The following NETO2 variants were observed in gnomAD, a reference collection of about 807,000 sequenced individuals.
The protein encoded by NETO2 is neuropilin and tolloid-like protein 2.
In NETO2, 28 loss-of-function variants were observed where a neutral mutation model predicts 62.5. The observed-to-expected ratio is 0.45, with a 90% CI of 0.33 to 0.61. The LOEUF is 0.61. NETO2 is among the 20% of genes least tolerant of loss of function. The pLI, the probability that NETO2 is intolerant of heterozygous loss-of-function variation, is 0.02. For missense variants in NETO2, 548 were observed against 643.2 expected (o/e 0.85, Z 1.60); for synonymous variants, 214 against 219.1 (o/e 0.98, Z 0.21).
In NETO2 at chr16:47,129,284, C is replaced by A. The variant is rs1350436820; in HGVS notation, c.172G>T (p.Ala58Ser). 1 of 1,614,022 alleles carries A rather than the reference C, an allele frequency of 6.2e-7. No individual in the cohort carries two copies. The highest frequency in any genetic ancestry group is 2.2e-5 in the East Asian group (1 of 44,876). Residue 58 changes from alanine (A) to serine (S), a missense_variant, in exon 3 of 9, where the codon GCT (alanine) becomes TCT (serine). Ala to Ser is a moderately conservative substitution (Grantham distance 99, BLOSUM62 1). Transcript: ENST00000562435. Reference protein sequence around the residue: ...WVRTSNGGHFASPNYPDSYPP... With the variant: ...WVRTSNGGHFSSPNYPDSYPP... ...TATGAGTCAGGATAATTTGGCGAAG[C>A]AAAATGACCTCCATTGCTGGTTCGA...
At chr16:47,105,759 A>T (rs768326463) in intron 7 of NETO2, among the ~76,000 whole-genome samples, 1 of 152,220 alleles carries the variant, frequency 6.6e-6, no homozygotes, top group Non-Finnish European at 1.5e-5. Flanking sequence ...GGCAAATCAA[A>T]ACCACAATGA....
intron 6 of NETO2, among the ~76,000 whole-genome samples, chr16:47,112,195 G>C (rs1302794041): frequency 6.6e-6 from 1 of 151,590 alleles, no homozygotes; most frequent in African/African-American, 2.4e-5. Context: ...TGGGACTGCA[G>C]GCATGGGCCA....
At position 47,082,879 on chromosome 16, in the gene NETO2, T is replaced by C; in HGVS notation, c.*342A>G. The C allele has an allele frequency of 4.6e-6, 1 of 219,234 alleles. No individual in the cohort carries two copies. Among genetic ancestry groups the C allele is most frequent in the East Asian group, 1.0e-4 (1 of 9,772 alleles). 13.6% of individuals were successfully genotyped at this position (219,234 alleles called of 1,614,324 possible). ...CATCAAAATATTGACAGAGCTGTTATCAGTCAAGAGCAGTCTTCTTGTTGC... is the reference window on the plus strand; with the variant it reads ...CATCAAAATATTGACAGAGCTGTTACCAGTCAAGAGCAGTCTTCTTGTTGC... On this transcript the variant is annotated 3_prime_UTR_variant, in exon 9 of 9. Coordinates refer to ENST00000562435, the MANE Select transcript of NETO2 (RefSeq NM_018092.5).
intron 6 of NETO2, among the ~76,000 whole-genome samples, chr16:47,117,862 G>A (rs570225611): frequency 2.0e-5 from 3 of 152,180 alleles, no homozygotes; most frequent in East Asian, 3.9e-4. Context: ...TGAGGCAGGA[G>A]GATCACTTGA....
chr16:47,125,970 C>CTT (rs1455042163), intron 4 of NETO2, among the ~76,000 whole-genome samples: 1 of 152,166 alleles, frequency 6.6e-6, no homozygotes. Flanking sequence ...AGTCTACACC[C>CTT]ATTAAACATT....
intron 1 of NETO2, among the ~76,000 whole-genome samples, chr16:47,133,326 A>G (rs915642566): frequency 2.0e-5 from 3 of 152,052 alleles, no homozygotes; most frequent in African/African-American, 7.3e-5. Flanking sequence ...TGCAAATCCC[A>G]ACACCTTGGG....
At chr16:47,118,382 C>G (rs1963965730) in intron 6 of NETO2, among the ~76,000 whole-genome samples, 1 of 152,156 alleles carries the variant, frequency 6.6e-6, no homozygotes, top group Non-Finnish European at 1.5e-5. Context: ...TTAGTGCTTC[C>G]CTGCTCTAGT....
chr16:47,130,331 A>G (rs1276965402), intron 2 of NETO2, among the ~76,000 whole-genome samples: 2 of 152,200 alleles, frequency 1.3e-5, no homozygotes, highest in Non-Finnish European at 2.9e-5. Flanking sequence ...AGTGAGAGCC[A>G]GTAACTGATC....
In NETO2 at chr16:47,128,496, G is replaced by T. The variant is rs891025248; in HGVS notation, c.310C>A (p.His104Asn). The change falls in exon 4 of 9, where the codon CAC becomes AAC. Residue 104 changes from histidine (H) to asparagine (N), a missense_variant. By Grantham distance (68) the His-to-Asn change is moderately conservative. Transcript: ENST00000562435. ...AATGGCCCATCTCGAACTTCCAAGT[G>T]ATCAAACCGACACTCAAATGATGGT... is the stretch of plus-strand genomic sequence containing the variant. ...IEPSFECRFDHLEVRDGPFGF... is the reference protein window; with the variant it reads ...IEPSFECRFDNLEVRDGPFGF... 1.1e-5 allele frequency: 18 copies of T among 1,613,880 alleles called. No homozygotes were observed. Among genetic ancestry groups the T allele is most frequent in the Non-Finnish European group, 1.5e-5 (18 of 1,179,986 alleles).
Position 47,122,960 on chromosome 16 carries a change from T to C in NETO2, c.482-48A>G, listed in dbSNP as rs370648059. ...GTCATTGGTACTGAGATAGTTACTT[T>C]AATCCTCGATGTCTTACATTACATC... On this transcript the variant is annotated intron_variant, in intron 4 of 8. Coordinates refer to ENST00000562435, the MANE Select transcript of NETO2 (RefSeq NM_018092.5). 23 of 1,543,104 alleles carry C rather than the reference T, an allele frequency of 1.5e-5. No homozygotes were observed. In the African/African-American group the frequency reaches 3.0e-4, roughly 20 times the overall value.
At chr16:47,115,531 A>AC (rs1555498079) in intron 6 of NETO2, among the ~76,000 whole-genome samples, 1 of 144,642 alleles carries the variant, frequency 6.9e-6, no homozygotes, top group Non-Finnish European at 1.5e-5. Flanking sequence ...AATTCAACTG[A>AC]TTTTTTTTTT....
intron 6 of NETO2, among the ~76,000 whole-genome samples, chr16:47,119,664 T>C (rs1963998493): frequency 6.6e-6 from 1 of 152,196 alleles, no homozygotes; most frequent in African/African-American, 2.4e-5. Context: ...TTTCTCAAAG[T>C]ACTGTTTTAG....
chr16:47,097,845 C>T (rs1963460482), intron 7 of NETO2, among the ~76,000 whole-genome samples: 1 of 152,186 alleles, frequency 6.6e-6, no homozygotes, highest in Non-Finnish European at 1.5e-5. Flanking sequence ...GCAATCTTTG[C>T]TATTCTGTAG....
rs1363587046 is a variant in NETO2, at chr16:47,122,773, C to T, written c.538G>A (p.Glu180Lys). 5.0e-6 allele frequency: 8 copies of T among 1,613,844 alleles called. No homozygotes were observed. The highest frequency in any genetic ancestry group is 1.1e-5 in the South Asian group (1 of 91,056). Residue 180 changes from glutamate to lysine, a missense_variant, in exon 6 of 9, where the codon GAG becomes AAG. Coordinates refer to ENST00000562435, the MANE Select transcript of NETO2 (RefSeq NM_018092.5). ...ILNPIPDCQF[E>K]LSGADGIVRS... ...ACTATTCCATCAGCTCCCGAGAGCTCGAACTGACAATCTGGAAGGAATACA... is the reference window on the plus strand; with the variant it reads ...ACTATTCCATCAGCTCCCGAGAGCTTGAACTGACAATCTGGAAGGAATACA...
intron 2 of NETO2, among the ~76,000 whole-genome samples, chr16:47,130,498 A>G (rs1226095211): frequency 6.6e-6 from 1 of 151,762 alleles, no homozygotes. Flanking sequence ...CTCTGAGGAG[A>G]TAAAGACTAT....
rs563012418 is a variant in NETO2 at position 47,082,063 on chromosome 16, CAA to C, written c.*1156_*1157del. Reference sequence around the variant, plus strand: ...AAGTTTGTACAGTATCAAATAATATCAAAAGTCTAAAAAACACAATGAGCTTT... The same window carrying C: ...AAGTTTGTACAGTATCAAATAATATCAAGTCTAAAAAACACAATGAGCTTT... On this transcript the variant is annotated 3_prime_UTR_variant, in exon 9 of 9. Coordinates refer to ENST00000562435, the MANE Select transcript of NETO2 (RefSeq NM_018092.5). 846 of 152,508 alleles carry C rather than the reference CAA, an allele frequency of 5.5e-3. 6 individuals are homozygous for C. The highest frequency in any genetic ancestry group is 0.041 in the Middle Eastern group (12 of 294). 9.4% of individuals were successfully genotyped at this position (152,508 alleles called of 1,614,324 possible).
At chr16:47,089,421 TAC>T (rs1372584437) in intron 7 of NETO2, among the ~76,000 whole-genome samples, 2 of 152,258 alleles carry the variant, frequency 1.3e-5, no homozygotes, top group South Asian at 2.1e-4. Context: ...GGGGATGGAA[TAC>T]AGTGTATCTC....
rs576163813 is a variant in NETO2, at chr16:47,081,934, A to G, written c.*1287T>C. The stretch of plus-strand genomic sequence containing the variant: ...TGTCCACATTTCCAAGGTCTTTACA[A>G]TAAGTTATAGCGTCCAGGTCCAACA... On this transcript the variant is annotated 3_prime_UTR_variant, in exon 9 of 9. Coordinates refer to ENST00000562435, the MANE Select transcript of NETO2 (RefSeq NM_018092.5). The G allele has an allele frequency of 3.3e-5, 5 of 152,746 alleles. No homozygotes were observed. Among genetic ancestry groups the G allele is most frequent in the East Asian group, 3.9e-4 (2 of 5,194 alleles). 9.5% of individuals were successfully genotyped at this position (152,746 alleles called of 1,614,324 possible).
chr16:47,117,936 T>C (rs1280885053), intron 6 of NETO2, among the ~76,000 whole-genome samples: 1 of 152,154 alleles, frequency 6.6e-6, no homozygotes, highest in Non-Finnish European at 1.5e-5. Context: ...AAAACATTTT[T>C]TTAAATTAAA....
Sources: allele counts gnomAD v4.1 joint callset (sites outside exome capture counted in the v4.1 genomes callset), GRCh38; gene constraint gnomAD v4.1.1; transcripts MANE v1.5; gene names NCBI Gene and HGNC (gene_info 2026-07-23, HGNC 2026-07-21).